F2R: variants seen among roughly 807,000 people sequenced by gnomAD.
F2R encodes the protein proteinase-activated receptor 1.
A neutral mutation model predicts 18.3 loss-of-function variants in F2R; 12 were observed. The observed-to-expected ratio is 0.66, with a 90% CI of 0.42 to 1.06. The LOEUF is 1.06. Ranked by LOEUF, F2R falls within the 50% of genes least tolerant of loss-of-function variation. The probability of loss-of-function intolerance (pLI) is 0.00; values close to 1 mark genes in which losing one functional copy is unlikely to be tolerated. For missense variants in F2R, 438 were observed against 530.8 expected, an observed-to-expected ratio of 0.83 and a Z score of 1.72; for synonymous variants, 210 against 219.9, an observed-to-expected ratio of 0.95 and a Z score of 0.40.
Position 76,733,184 on chromosome 5 carries a change from G to T in F2R, c.959G>T (p.Cys320Phe). Residue 320 changes from cysteine (C) to phenylalanine (F), a missense_variant, in exon 2 of 2, where the codon TGC (cysteine) becomes TTC (phenylalanine). By Grantham distance (205) the Cys-to-Phe change is radical. Coordinates refer to ENST00000319211, the MANE Select transcript of F2R (RefSeq NM_001992.5). The part of the protein sequence containing the change: ...RALFLSAAVF[C>F]IFIICFGPTN... ...TTGTTCCTGTCAGCTGCTGTTTTCT[G>T]CATCTTCATCATTTGCTTCGGACCC... The T allele has an allele frequency of 6.2e-7, 1 of 1,614,072 alleles. No homozygotes were observed.
intron 1 of F2R, chr5:76,716,792 G>A: frequency 1.9e-6 from 1 of 520,048 alleles, no homozygotes; most frequent in South Asian, 2.7e-5. Context: ...ATATAAAGTG[G>A]CGAACCGCTG....
intron 1 of F2R, among the ~76,000 whole-genome samples, chr5:76,721,604 T>G (rs754722866): frequency 8.5e-5 from 13 of 152,248 alleles, no homozygotes; most frequent in Non-Finnish European, 1.6e-4. Flanking sequence ...TATGATGAAT[T>G]AAAAATCAGG....
In F2R at chr5:76,716,787, A is replaced by T; in HGVS notation, c.88+392A>T. 3 of 533,660 alleles carry T rather than the reference A, an allele frequency of 5.6e-6. No individual in the cohort carries two copies. In the Admixed American group the frequency reaches 1.1e-4, roughly 19 times the overall value. The allele number at this position is 533,660 out of a possible 1,614,324, so 33.1% of individuals were successfully genotyped here. ...TAAACGTTTCGATCTTTAAAATATAAAGTGGCGAACCGCTGCCGCTGAAGT... is the reference window on the plus strand; with the variant it reads ...TAAACGTTTCGATCTTTAAAATATATAGTGGCGAACCGCTGCCGCTGAAGT... On this transcript the variant is annotated intron_variant, in intron 1 of 1. Coordinates refer to ENST00000319211, the MANE Select transcript of F2R (RefSeq NM_001992.5).
In F2R at chr5:76,734,076, C is replaced by T. The variant is rs2150584384; in HGVS notation, c.*573C>T. 1 of 153,292 alleles carries T rather than the reference C, an allele frequency of 6.5e-6. No individual in the cohort carries two copies. The highest frequency in any genetic ancestry group is 6.5e-5 in the Admixed American group (1 of 15,432). 9.5% of individuals were successfully genotyped at this position (153,292 alleles called of 1,614,324 possible). Reference sequence around the variant, plus strand: ...ATTAAGAGGTAAGACTTAGTACTATCTGTGCGTAGAAGTTCTAGTGTTTTC... The same window carrying T: ...ATTAAGAGGTAAGACTTAGTACTATTTGTGCGTAGAAGTTCTAGTGTTTTC... On this transcript the variant is annotated 3_prime_UTR_variant, in exon 2 of 2. Transcript: ENST00000319211.
chr5:76,722,686 CTCA>C, intron 1 of F2R, among the ~76,000 whole-genome samples: 1 of 152,206 alleles, frequency 6.6e-6, no homozygotes, highest in African/African-American at 2.4e-5. Context: ...GGCACGGTGG[CTCA>C]TGCCTGTAAT....
At chr5:76,728,993 C>T (rs116328188) in intron 1 of F2R, among the ~76,000 whole-genome samples, 451 of 152,250 alleles carry the variant, frequency 3.0e-3, no homozygotes, top group African/African-American at 0.01. Flanking sequence ...GCCCAGCCAG[C>T]ATCCTAATTT....
intron 1 of F2R, among the ~76,000 whole-genome samples, chr5:76,727,771 T>TC (rs1170364727): frequency 3.3e-5 from 5 of 151,882 alleles, no homozygotes; most frequent in Non-Finnish European, 5.9e-5. Context: ...TTCTTTTTTT[T>TC]TTTTTTTGCA....
intron 1 of F2R, among the ~76,000 whole-genome samples, chr5:76,725,242 T>C (rs2227778): frequency 0.017 from 2,555 of 152,346 alleles, 70 homozygotes; most frequent in African/African-American, 0.058. Context: ...CCTAACTCAC[T>C]AATTTTTAAA....
At chr5:76,721,442 A>G (rs192023328) in intron 1 of F2R, among the ~76,000 whole-genome samples, 2 of 152,300 alleles carry the variant, frequency 1.3e-5, no homozygotes, top group Non-Finnish European at 2.9e-5. Flanking sequence ...GGAGGAAGCC[A>G]CTTAAAGGGC....
chr5:76,732,514 A>T lies in F2R; in HGVS notation c.289A>T (p.Thr97Ser). 1 of 1,614,146 alleles carries T rather than the reference A, an allele frequency of 6.2e-7. No homozygotes were observed. The highest frequency in any genetic ancestry group is 8.5e-7 in the Non-Finnish European group (1 of 1,180,018). ...CTCAGAAGATGCCTCCGGATATTTG[A>T]CCAGCTCCTGGCTGACACTCTTTGT... ...FISEDASGYL[T>S]SSWLTLFVPS... The change falls in exon 2 of 2, where the codon ACC (threonine) becomes TCC (serine). Residue 97 changes from threonine to serine, a missense_variant. Coordinates refer to ENST00000319211, the MANE Select transcript of F2R (RefSeq NM_001992.5).
At chr5:76,726,992 T>C (rs950933433) in intron 1 of F2R, among the ~76,000 whole-genome samples, 2 of 152,182 alleles carry the variant, frequency 1.3e-5, no homozygotes, top group Admixed American at 6.5e-5. Context: ...CCAGAAAAGA[T>C]TGTGAATTCA....
chr5:76,719,579 ACT>A (rs1356477411), intron 1 of F2R, among the ~76,000 whole-genome samples: 3 of 140,960 alleles, frequency 2.1e-5, no homozygotes, highest in East Asian at 3.9e-4. Flanking sequence ...ACAGAGTGAG[ACT>A]CTCTCTCAAA....
intron 1 of F2R, among the ~76,000 whole-genome samples, chr5:76,724,386 A>G (rs1314911408): frequency 6.6e-6 from 1 of 152,168 alleles, no homozygotes; most frequent in Non-Finnish European, 1.5e-5. Flanking sequence ...ATTCCTTAAT[A>G]TCATCTGATA....
intron 1 of F2R, among the ~76,000 whole-genome samples, chr5:76,726,355 C>A (rs1379253847): frequency 6.6e-6 from 1 of 151,756 alleles, no homozygotes; most frequent in Non-Finnish European, 1.5e-5. Context: ...CACGGTGAAA[C>A]CCCATTTCTT....
At chr5:76,724,436 A>T (rs1445995076) in intron 1 of F2R, among the ~76,000 whole-genome samples, 1 of 152,132 alleles carries the variant, frequency 6.6e-6, no homozygotes, top group African/African-American at 2.4e-5. Flanking sequence ...TCTCATAAAT[A>T]CCTTTTAACA....
In F2R at chr5:76,716,408, C is replaced by A; in HGVS notation, c.88+13C>A. ...GCCCGCAGGCCAGGTGAGAGATGCA[C>A]GGGAATGGGGTGCGCGGGCGGAGGG... On this transcript the variant is annotated intron_variant, in intron 1 of 1. Transcript: ENST00000319211. 7.0e-7 allele frequency: 1 copy of A among 1,434,022 alleles called. No homozygotes were observed. Among genetic ancestry groups the A allele is most frequent in the Non-Finnish European group, 9.1e-7 (1 of 1,096,404 alleles). The allele number at this position is 1,434,022 out of a possible 1,614,324, so 88.8% of individuals were successfully genotyped here. A position where few individuals can be genotyped will look rare whatever the true frequency, so the allele number is the denominator to read the frequency against.
chr5:76,717,536 C>T (rs1748369435), intron 1 of F2R, among the ~76,000 whole-genome samples: 1 of 151,952 alleles, frequency 6.6e-6, no homozygotes, highest in Non-Finnish European at 1.5e-5. Context: ...TGTCTTTGTT[C>T]AGGGTGAGTT....
Position 76,720,678 on chromosome 5 carries a change from C to G in F2R, c.88+4283C>G, listed in dbSNP as rs1164935458. 2.0e-5 allele frequency among the ~76,000 whole-genome samples: 3 copies of G among 152,100 alleles called. No individual in the cohort carries two copies. In the East Asian group the frequency reaches 5.8e-4, roughly 29 times the overall value. ...GCAGTCAGATCCCATTCTCCCTTCC[C>G]CTACCCCCAGGAACCACCAGTTTGC... On this transcript the variant is annotated intron_variant, in intron 1 of 1. Coordinates refer to ENST00000319211, the MANE Select transcript of F2R (RefSeq NM_001992.5).
At chr5:76,726,856 T>C (rs141673514) in intron 1 of F2R, among the ~76,000 whole-genome samples, 215 of 152,326 alleles carry the variant, frequency 1.4e-3, no homozygotes, top group African/African-American at 4.9e-3. Context: ...CACACACTCA[T>C]TGTGATCTTG....
Sources: gnomAD v4.1 joint callset for allele counts (sites outside exome capture counted in the v4.1 genomes callset) on GRCh38, gnomAD v4.1.1 for gene constraint, MANE v1.5 for transcripts, NCBI Gene and HGNC (gene_info 2026-07-23, HGNC 2026-07-21) for gene names.